Variants in RGPD2 observed in about 807,000 individuals in gnomAD.
RGPD2 encodes the protein RANBP2-like and GRIP domain-containing protein 2.
Under a neutral mutation model 36.0 loss-of-function variants are expected in RGPD2, and 2 were observed. That is an observed-to-expected ratio of 0.06 (90% CI 0.02 to 0.17). The LOEUF (loss-of-function observed/expected upper bound fraction) is 0.17, where lower values mean the gene tolerates loss of function less well. Among genes scored for constraint, RGPD2 ranks in the 10% least tolerant of loss-of-function variants. The probability of loss-of-function intolerance (pLI) is 1.00; values close to 1 mark genes in which losing one functional copy is unlikely to be tolerated. For missense variants in RGPD2, 40 were observed against 464.3 expected (o/e 0.09, Z 8.40); for synonymous variants, 19 against 163.8 (o/e 0.12, Z 6.75).
At chr2:87,988,778 C>T in the RGPD2 span, among the ~76,000 whole-genome samples, 78 of 151,806 alleles carry the variant, frequency 5.1e-4, 1 homozygote, top group East Asian at 1.6e-3. Context: ...CGACCTCAAG[C>T]GATCCACCTG....
At chr2:87,989,000 A>C in the RGPD2 span, 1 of 279,640 alleles carries the variant, frequency 3.6e-6, no homozygotes, top group South Asian at 7.1e-5. Flanking sequence ...TACAAAGCTA[A>C]GAACTTGATC....
chr2:87,824,862 G>C (rs544473389), intron 1 of RGPD2: 116 of 37,488 alleles, frequency 3.1e-3, no homozygotes, highest in Middle Eastern at 0.026. Flanking sequence ...CCGAGGCCGA[G>C]GCCGCCGCCG....
chr2:87,986,634 C>G, the RGPD2 span, among the ~76,000 whole-genome samples: 2,611 of 151,882 alleles, frequency 0.017, 75 homozygotes, highest in African/African-American at 0.059. Flanking sequence ...AATCTAAGCA[C>G]TTTGCGAGGT....
the RGPD2 span, among the ~76,000 whole-genome samples, chr2:87,951,420 T>G: frequency 6.6e-6 from 1 of 151,968 alleles, no homozygotes; most frequent in Non-Finnish European, 1.5e-5. Flanking sequence ...AGAGAACCCC[T>G]GAGAGAGGAA....
the RGPD2 span, among the ~76,000 whole-genome samples, chr2:87,939,917 C>T: frequency 6.6e-6 from 1 of 152,010 alleles, no homozygotes; most frequent in South Asian, 2.1e-4. Flanking sequence ...CTGAAAAGCC[C>T]ACCTACTTAA....
the RGPD2 span, chr2:87,968,592 T>C: frequency 4.0e-5 from 6 of 148,274 alleles, no homozygotes; most frequent in Non-Finnish European, 7.4e-5. Flanking sequence ...AAGTGAGTTG[T>C]GCACTGGGTC....
chr2:87,971,526 A>T, the RGPD2 span, among the ~76,000 whole-genome samples: 3 of 139,028 alleles, frequency 2.2e-5, no homozygotes, highest in Admixed American at 1.5e-4. Flanking sequence ...AAATGAAGTT[A>T]TGGAAATTAC....
the RGPD2 span, among the ~76,000 whole-genome samples, chr2:87,897,639 C>A: frequency 6.0e-5 from 9 of 151,058 alleles, no homozygotes; most frequent in East Asian, 1.8e-3. Flanking sequence ...CAGTCTCCCC[C>A]AACTGGCCCC....
the RGPD2 span, among the ~76,000 whole-genome samples, chr2:87,894,254 A>G: frequency 6.6e-6 from 1 of 152,186 alleles, no homozygotes; most frequent in East Asian, 1.9e-4. Flanking sequence ...TCTTGAGATA[A>G]TTTATAATTT....
At chr2:87,877,782 G>A in the RGPD2 span, among the ~76,000 whole-genome samples, 9 of 131,318 alleles carry the variant, frequency 6.9e-5, no homozygotes, top group Middle Eastern at 7.5e-3. Flanking sequence ...TTCAGCCTGG[G>A]CAACAGAGTG....
At chr2:87,955,365 C>T in the RGPD2 span, among the ~76,000 whole-genome samples, 2 of 90,744 alleles carry the variant, frequency 2.2e-5, no homozygotes, top group Non-Finnish European at 4.2e-5. Context: ...GGAGCAAAAA[C>T]TTTCTCACAT....
chr2:87,980,084 T>C, the RGPD2 span, among the ~76,000 whole-genome samples: 689 of 151,058 alleles, frequency 4.6e-3, no homozygotes, highest in African/African-American at 0.011. Flanking sequence ...GTGCAGTGGC[T>C]CATGCCTGTA....
chr2:87,918,409 A>C, the RGPD2 span, among the ~76,000 whole-genome samples: 2 of 151,528 alleles, frequency 1.3e-5, no homozygotes. Flanking sequence ...CACATTAAAA[A>C]AAGTATTAAA....
At chr2:87,869,485 T>TC in the RGPD2 span, among the ~76,000 whole-genome samples, 2 of 111,592 alleles carry the variant, frequency 1.8e-5, no homozygotes, top group South Asian at 6.8e-4. Context: ...GAACAGTTTT[T>TC]CTCTCCATCT....
At chr2:87,780,534 TAAAAAA>T (rs1236388071) in intron 20 of RGPD2, among the ~76,000 whole-genome samples, 7 of 151,726 alleles carry the variant, frequency 4.6e-5, no homozygotes, top group Admixed American at 1.3e-4. Flanking sequence ...CTGGTATACT[TAAAAAA>T]AAATCAGAGA....
the RGPD2 span, among the ~76,000 whole-genome samples, chr2:87,986,324 C>A: frequency 1.3e-5 from 2 of 148,248 alleles, no homozygotes; most frequent in East Asian, 4.0e-4. Context: ...TAGTAGAGAC[C>A]ATGTTTCACC....
At chr2:87,984,477 A>C in the RGPD2 span, among the ~76,000 whole-genome samples, 8 of 151,182 alleles carry the variant, frequency 5.3e-5, no homozygotes, top group African/African-American at 1.9e-4. Flanking sequence ...ATTTTAGAAA[A>C]AATTTTTAAT....
the RGPD2 span, among the ~76,000 whole-genome samples, chr2:87,911,691 T>C: frequency 1.3e-5 from 2 of 152,124 alleles, no homozygotes; most frequent in Non-Finnish European, 2.9e-5. Flanking sequence ...GTTAAAATAG[T>C]GTGTTATACT....
chr2:87,921,224 C>T, the RGPD2 span, among the ~76,000 whole-genome samples: 2 of 152,002 alleles, frequency 1.3e-5, no homozygotes, highest in African/African-American at 4.8e-5. Flanking sequence ...AACTATAAAC[C>T]TGCAAAGGAT....
Sources: allele counts gnomAD v4.1 joint callset (sites outside exome capture counted in the v4.1 genomes callset), GRCh38; gene constraint gnomAD v4.1.1; transcripts MANE v1.5; gene names NCBI Gene and HGNC (gene_info 2026-07-23, HGNC 2026-07-21).